Variants in HTR7 observed in about 807,000 individuals in gnomAD.
The protein encoded by HTR7 is 5-hydroxytryptamine receptor 7.
HTR7 carries 16 observed loss-of-function variants against 34.0 expected under a neutral mutation model. The observed-to-expected ratio is 0.47, with a 90% CI of 0.32 to 0.71. The LOEUF (loss-of-function observed/expected upper bound fraction) is 0.71. Ranked by LOEUF, HTR7 falls within the 30% of genes least tolerant of loss-of-function variation. The pLI is 0.04. For missense variants in HTR7, 504 were observed against 625.5 expected, an observed-to-expected ratio of 0.81 and a Z score of 2.07; for synonymous variants, 265 against 260.2, an observed-to-expected ratio of 1.02 and a Z score of -0.18.
chr10:90,742,537 A>G lies in HTR7; in HGVS notation c.1394-9T>C, dbSNP rs762602561. 8.3e-6 allele frequency: 13 copies of G among 1,562,822 alleles called. No homozygotes were observed. The highest frequency in any genetic ancestry group is 2.2e-5 in the East Asian group (1 of 44,626). ...AGTAGTCAGCATTTTGTCTAAAAAA[A>G]AGAGAGAGAAAAATAGAAAATAATT... On this transcript the variant is annotated splice_polypyrimidine_tract_variant and intron_variant, in intron 3 of 3. Transcript: ENST00000336152.
chr10:90,769,935 C>A (rs1439643500), intron 1 of HTR7, among the ~76,000 whole-genome samples: 1 of 152,256 alleles, frequency 6.6e-6, no homozygotes, highest in Non-Finnish European at 1.5e-5. Flanking sequence ...GCTGCCATCA[C>A]GCTGGCTGCA....
intron 1 of HTR7, among the ~76,000 whole-genome samples, chr10:90,754,860 G>T (rs929943813): frequency 6.6e-6 from 1 of 152,090 alleles, no homozygotes; most frequent in Non-Finnish European, 1.5e-5. Flanking sequence ...TTTTTAGAGC[G>T]TTCAGCTTAA....
chr10:90,783,195 G>A (rs1268706131), intron 1 of HTR7, among the ~76,000 whole-genome samples: 2 of 152,154 alleles, frequency 1.3e-5, no homozygotes, highest in Non-Finnish European at 2.9e-5. Flanking sequence ...TGGACCTCAG[G>A]AGAAGGATGA....
intron 1 of HTR7, among the ~76,000 whole-genome samples, chr10:90,850,875 G>A (rs911911951): frequency 1.3e-5 from 2 of 152,088 alleles, no homozygotes; most frequent in Non-Finnish European, 2.9e-5. Flanking sequence ...ATAGAAAAGA[G>A]TAAGAAATAT....
At chr10:90,766,038 T>C (rs1845017254) in intron 1 of HTR7, among the ~76,000 whole-genome samples, 1 of 152,220 alleles carries the variant, frequency 6.6e-6, no homozygotes, top group African/African-American at 2.4e-5. Flanking sequence ...TAGGTCCATT[T>C]GGCCTACAGT....
intron 2 of HTR7, among the ~76,000 whole-genome samples, chr10:90,746,746 T>C (rs536855806): frequency 3.3e-5 from 5 of 152,304 alleles, no homozygotes; most frequent in Admixed American, 6.5e-5. Flanking sequence ...AAAGCTATTA[T>C]GTCATAAACT....
At chr10:90,854,983 CT>C (rs1362773599) in intron 1 of HTR7, among the ~76,000 whole-genome samples, 2 of 152,134 alleles carry the variant, frequency 1.3e-5, no homozygotes, top group Non-Finnish European at 2.9e-5. Flanking sequence ...AGAAAACATG[CT>C]TTTCAGAAAT....
At position 90,788,628 on chromosome 10, in the gene HTR7, G is replaced by C. The variant is rs180750765; in HGVS notation, c.540-39034C>G. Among the ~76,000 whole-genome samples, 498 of 152,246 alleles carry C rather than the reference G, an allele frequency of 3.3e-3. 8 individuals carry two copies. The highest frequency in any genetic ancestry group is 9.3e-4 in the Non-Finnish European group (63 of 68,022). On this transcript the variant is annotated intron_variant, in intron 1 of 3. Transcript: ENST00000336152. The stretch of plus-strand genomic sequence containing the variant: ...AGCTAATTGTGATATCAATGTATCA[G>C]TATGACATAAGATTAAACAATGGCT...
chr10:90,831,359 G>C (rs1846171302), intron 1 of HTR7, among the ~76,000 whole-genome samples: 1 of 151,984 alleles, frequency 6.6e-6, no homozygotes, highest in South Asian at 2.1e-4. Flanking sequence ...TGCAGACCTT[G>C]GCGGTGAGTG....
At chr10:90,774,462 C>T (rs536970827) in intron 1 of HTR7, among the ~76,000 whole-genome samples, 1 of 152,280 alleles carries the variant, frequency 6.6e-6, no homozygotes, top group African/African-American at 2.4e-5. Context: ...CTTATTATGA[C>T]TTCTGCAGTT....
At chr10:90,825,870 C>T (rs1036436401) in intron 1 of HTR7, among the ~76,000 whole-genome samples, 1 of 151,978 alleles carries the variant, frequency 6.6e-6, no homozygotes, top group African/African-American at 2.4e-5. Flanking sequence ...TAGAAAATAG[C>T]ATGAAAGGGG....
At position 90,857,546 on chromosome 10, in the gene HTR7, G is replaced by T. The variant is rs1396009833; in HGVS notation, c.126C>A (p.Gly42=). ...SPDGGADPVA[G]SWAPHLLSEV... is the part of the protein sequence containing the mutation. Reference sequence around the variant, plus strand: ...CGCTCAGCAGGTGCGGCGCCCAGGAGCCCGCGACCGGGTCGGCGCCACCGT... The same window carrying T: ...CGCTCAGCAGGTGCGGCGCCCAGGATCCCGCGACCGGGTCGGCGCCACCGT... Residue 42 remains glycine, a synonymous_variant, in exon 1 of 4, where the codon GGC becomes GGA. Transcript: ENST00000336152. This position sits in a 1 kb window ranked among gnomAD's most constrained non-coding sequence, Gnocchi z 6.5. 2 of 1,600,592 alleles carry T rather than the reference G, an allele frequency of 1.2e-6. No individual in the cohort carries two copies. The highest frequency in any genetic ancestry group is 1.3e-5 in the African/African-American group (1 of 74,658).
Position 90,819,842 on chromosome 10 carries a change from T to G in HTR7, c.539+37291A>C, listed in dbSNP as rs544627490. The stretch of plus-strand genomic sequence containing the variant: ...AAACTAAAAGGCTTATCCCAGAGAT[T>G]CCCATCTTAAAAAAAAAAAAAGAAC... On this transcript the variant is annotated intron_variant, in intron 1 of 3. Coordinates refer to ENST00000336152, the MANE Select transcript of HTR7 (RefSeq NM_019859.4). Among the ~76,000 whole-genome samples, 3 of 151,708 alleles carry G rather than the reference T, an allele frequency of 2.0e-5. No homozygotes were observed. In the East Asian group the frequency reaches 5.8e-4, roughly 29 times the overall value.
chr10:90,851,382 G>A (rs978172653), intron 1 of HTR7, among the ~76,000 whole-genome samples: 12 of 152,022 alleles, frequency 7.9e-5, no homozygotes, highest in African/African-American at 1.7e-4. Flanking sequence ...CAAGGCGGGC[G>A]GATCATGAGG....
At chr10:90,757,597 G>A (rs75416334) in intron 1 of HTR7, among the ~76,000 whole-genome samples, 2,213 of 152,254 alleles carry the variant, frequency 0.015, 70 homozygotes, top group African/African-American at 0.051. Flanking sequence ...AAAAGTAGAT[G>A]CACTAAATAC....
intron 1 of HTR7, among the ~76,000 whole-genome samples, chr10:90,828,601 G>A (rs1203297111): frequency 6.6e-6 from 1 of 151,990 alleles, no homozygotes; most frequent in Non-Finnish European, 1.5e-5. Flanking sequence ...AGAAGAAATG[G>A]ATAAATTCTT....
chr10:90,806,743 GA>G (rs1256608383), intron 1 of HTR7, among the ~76,000 whole-genome samples: 1 of 152,126 alleles, frequency 6.6e-6, no homozygotes, highest in Non-Finnish European at 1.5e-5. Flanking sequence ...AACTAATAAG[GA>G]AAAAGAGAAA....
chr10:90,794,789 C>A (rs1845514018), intron 1 of HTR7, among the ~76,000 whole-genome samples: 1 of 152,232 alleles, frequency 6.6e-6, no homozygotes, highest in South Asian at 2.1e-4. Flanking sequence ...GCATGAACCA[C>A]TGCACCCAGC....
At chr10:90,776,026 T>C (rs1391876438) in intron 1 of HTR7, among the ~76,000 whole-genome samples, 1 of 152,236 alleles carries the variant, frequency 6.6e-6, no homozygotes, top group African/African-American at 2.4e-5. Context: ...GAGAGATAGT[T>C]TGCATTCTAT....
Sources: allele counts gnomAD v4.1 joint callset (sites outside exome capture counted in the v4.1 genomes callset), GRCh38; gene constraint gnomAD v4.1.1; non-coding constraint Gnocchi (gnomAD v3.1); transcripts MANE v1.5; gene names NCBI Gene and HGNC (gene_info 2026-07-23, HGNC 2026-07-21).